Variants in KIRREL3 observed in about 807,000 individuals in gnomAD.
KIRREL3 encodes the protein kirre like nephrin family adhesion molecule 3.
In KIRREL3, 36 loss-of-function variants were observed where a neutral mutation model predicts 89.7. That is an observed-to-expected ratio of 0.40 (90% CI 0.31 to 0.53). The LOEUF (loss-of-function observed/expected upper bound fraction) is 0.53. Ranked by LOEUF, KIRREL3 falls within the 20% of genes least tolerant of loss-of-function variation. The pLI, the probability that KIRREL3 is intolerant of heterozygous loss-of-function variation, is 0.49. For missense variants in KIRREL3, 864 were observed against 1,056.6 expected, an observed-to-expected ratio of 0.82 and a Z score of 2.53; for synonymous variants, 445 against 441.4, an observed-to-expected ratio of 1.01 and a Z score of -0.10.
rs1949571316 is a variant in KIRREL3, at chr11:126,976,169, A to T, written c.55+24286T>A. Among the ~76,000 whole-genome samples, 1 of 152,028 alleles carries T rather than the reference A, an allele frequency of 6.6e-6. No individual in the cohort carries two copies. The highest frequency in any genetic ancestry group is 1.5e-5 in the Non-Finnish European group (1 of 68,018). On this transcript the variant is annotated intron_variant, in intron 1 of 16. Transcript: ENST00000525144. This position sits in a 1 kb window ranked among gnomAD's most constrained non-coding sequence, Gnocchi z 4.2. ...TGCCACATTGTTAGCTCATATTGAGATTTCAATAAGATAACACTCCTCCAA... is the reference window on the plus strand; with the variant it reads ...TGCCACATTGTTAGCTCATATTGAGTTTTCAATAAGATAACACTCCTCCAA...
chr11:126,555,439 G>T lies in KIRREL3; in HGVS notation c.133+7396C>A, dbSNP rs1939629021. On this transcript the variant is annotated intron_variant, in intron 2 of 16. Transcript: ENST00000525144. The surrounding 1 kb of genome is among the most constrained non-coding windows in gnomAD (Gnocchi z 4.2). ...TGGTTCTACGGGAGCATGTGACACAGGAACTGGATCTTGACTGAGGAGGGA... is the reference window on the plus strand; with the variant it reads ...TGGTTCTACGGGAGCATGTGACACATGAACTGGATCTTGACTGAGGAGGGA... Among the ~76,000 whole-genome samples, 1 of 152,198 alleles carries T rather than the reference G, an allele frequency of 6.6e-6. No individual in the cohort carries two copies. The highest frequency in any genetic ancestry group is 2.1e-4 in the South Asian group (1 of 4,836).
intron 1 of KIRREL3, among the ~76,000 whole-genome samples, chr11:126,930,452 T>C (rs1947902887): frequency 6.6e-6 from 1 of 152,334 alleles, no homozygotes; most frequent in East Asian, 1.9e-4. Flanking sequence ...CCCCATCATC[T>C]CACTGCCCTA....
rs1372970024 is a variant in KIRREL3 at position 126,522,394 on chromosome 11, C to A, written c.284-930G>T. Among the ~76,000 whole-genome samples, 1 of 152,192 alleles carries A rather than the reference C, an allele frequency of 6.6e-6. No individual in the cohort carries two copies. On this transcript the variant is annotated intron_variant, in intron 3 of 16. Coordinates refer to ENST00000525144, the MANE Select transcript of KIRREL3 (RefSeq NM_032531.4). This position sits in a 1 kb window ranked among gnomAD's most constrained non-coding sequence, Gnocchi z 6.0. ...GAAGTAGAAATCTAGGCCCGCCCTT[C>A]CAGTGTCTAGGAACCTTGGGTCACT...
intron 1 of KIRREL3, among the ~76,000 whole-genome samples, chr11:126,713,389 G>A (rs572615081): frequency 6.6e-6 from 1 of 152,340 alleles, no homozygotes; most frequent in South Asian, 2.1e-4. Context: ...TAGGGGCAGG[G>A]CCCCAGATGT....
rs1054611564 is a variant in KIRREL3 at position 126,563,505 on chromosome 11, G to A, written c.56-593C>T. ...TACCTTTTGGAGAGGGTGCGTTTCT[G>A]GTGCTAGAGATTCCTGTGCCTTCCT... On this transcript the variant is annotated intron_variant, in intron 1 of 16. Coordinates refer to ENST00000525144, the MANE Select transcript of KIRREL3 (RefSeq NM_032531.4). This position sits in a 1 kb window ranked among gnomAD's most constrained non-coding sequence, Gnocchi z 6.8. Among the ~76,000 whole-genome samples the A allele has an allele frequency of 6.6e-6, 1 of 152,086 alleles. No individual in the cohort carries two copies. Among genetic ancestry groups the A allele is most frequent in the Non-Finnish European group, 1.5e-5 (1 of 68,016 alleles).
rs1565600262 is a variant in KIRREL3, at chr11:126,623,627, CG to C, written c.56-60716del. ...AACAGCTGATGGGCCAGCAAGGATG[CG>C]GGGAGGATACCTGTGGTCAGGACCA... On this transcript the variant is annotated intron_variant, in intron 1 of 16. Coordinates refer to ENST00000525144, the MANE Select transcript of KIRREL3 (RefSeq NM_032531.4). This position sits in a 1 kb window ranked among gnomAD's most constrained non-coding sequence, Gnocchi z 4.1. Among the ~76,000 whole-genome samples, 2 of 151,924 alleles carry C rather than the reference CG, an allele frequency of 1.3e-5. No homozygotes were observed. Among genetic ancestry groups the C allele is most frequent in the African/African-American group, 2.4e-5 (1 of 41,346 alleles).
intron 1 of KIRREL3, among the ~76,000 whole-genome samples, chr11:126,799,395 TGTGCATCTATCTGTGTGTGCGTCTCTG>T (rs2134387174): frequency 1.5e-5 from 1 of 64,530 alleles, no homozygotes; most frequent in Non-Finnish European, 2.7e-5. Context: ...TGTATCTGTG[TGTGCATCTATCTGTGTGTGCGTCTCTG>T]TGTGCATGTG....
Position 126,578,109 on chromosome 11 carries a change from T to G in KIRREL3, c.56-15197A>C, listed in dbSNP as rs561984021. On this transcript the variant is annotated intron_variant, in intron 1 of 16. Coordinates refer to ENST00000525144, the MANE Select transcript of KIRREL3 (RefSeq NM_032531.4). This position sits in a 1 kb window ranked among gnomAD's most constrained non-coding sequence, Gnocchi z 4.9. Reference sequence around the variant, plus strand: ...CTACAGCCTTGCAACTTTGCCTCATTAGTCCCAAATTTGCACTGTGAGGCA... The same window carrying G: ...CTACAGCCTTGCAACTTTGCCTCATGAGTCCCAAATTTGCACTGTGAGGCA... Among the ~76,000 whole-genome samples the G allele has an allele frequency of 1.1e-4, 17 of 152,358 alleles. No homozygotes were observed. The highest frequency in any genetic ancestry group is 4.1e-4 in the African/African-American group (17 of 41,600).
At chr11:126,895,758 C>A (rs1364638980) in intron 1 of KIRREL3, among the ~76,000 whole-genome samples, 1 of 152,156 alleles carries the variant, frequency 6.6e-6, no homozygotes, top group African/African-American at 2.4e-5. Flanking sequence ...TGGAGCTTCA[C>A]AGGGTCACCT....
chr11:126,489,535 A>G lies in KIRREL3; in HGVS notation c.434-16069T>C, dbSNP rs1837619561. Among the ~76,000 whole-genome samples, 1 of 152,156 alleles carries G rather than the reference A, an allele frequency of 6.6e-6. No individual in the cohort carries two copies. The highest frequency in any genetic ancestry group is 2.1e-4 in the South Asian group (1 of 4,824). On this transcript the variant is annotated intron_variant, in intron 4 of 16. Coordinates refer to ENST00000525144, the MANE Select transcript of KIRREL3 (RefSeq NM_032531.4). The surrounding 1 kb of genome is among the most constrained non-coding windows in gnomAD (Gnocchi z 5.5). ...TACTCCATCTTGGATTCCTGGGTCA[A>G]TTTTGGGAGATGCTGAGATCTGTAG...
In KIRREL3 at chr11:126,668,426, C is replaced by A. The variant is rs992200492; in HGVS notation, c.56-105514G>T. Among the ~76,000 whole-genome samples the A allele has an allele frequency of 1.3e-5, 2 of 152,068 alleles. No individual in the cohort carries two copies. The highest frequency in any genetic ancestry group is 3.9e-4 in the East Asian group (2 of 5,190). On this transcript the variant is annotated intron_variant, in intron 1 of 16. Coordinates refer to ENST00000525144, the MANE Select transcript of KIRREL3 (RefSeq NM_032531.4). The surrounding 1 kb of genome is among the most constrained non-coding windows in gnomAD (Gnocchi z 4.4). ...AATATAACCATTCAGAATAAAACACCCTGGCTATAGAAGAGAGGTGGCTTT... is the reference window on the plus strand; with the variant it reads ...AATATAACCATTCAGAATAAAACACACTGGCTATAGAAGAGAGGTGGCTTT...
rs1364936219 is a variant in KIRREL3, at chr11:126,685,233, AG to A, written c.56-122322del. ...AGCCCCAGCTCTGCTCTGGGGAGTCAGGGGCAGGGCGGCAGATGCTTGGGGT... is the reference window on the plus strand; with the variant it reads ...AGCCCCAGCTCTGCTCTGGGGAGTCAGGGCAGGGCGGCAGATGCTTGGGGT... On this transcript the variant is annotated intron_variant, in intron 1 of 16. Coordinates refer to ENST00000525144, the MANE Select transcript of KIRREL3 (RefSeq NM_032531.4). The surrounding 1 kb of genome is among the most constrained non-coding windows in gnomAD (Gnocchi z 5.5). 6.6e-6 allele frequency among the ~76,000 whole-genome samples: 1 copy of A among 152,230 alleles called. No individual in the cohort carries two copies. Among genetic ancestry groups the A allele is most frequent in the Non-Finnish European group, 1.5e-5 (1 of 68,040 alleles).
chr11:126,848,288 CA>C (rs1020939764), intron 1 of KIRREL3, among the ~76,000 whole-genome samples: 2 of 152,210 alleles, frequency 1.3e-5, no homozygotes, highest in African/African-American at 4.8e-5. Context: ...GCACTTTATA[CA>C]AATAATCAGG....
chr11:126,601,993 G>C lies in KIRREL3; in HGVS notation c.56-39081C>G, dbSNP rs150485978. Among the ~76,000 whole-genome samples the C allele has an allele frequency of 6.6e-6, 1 of 152,200 alleles. No individual in the cohort carries two copies. The highest frequency in any genetic ancestry group is 1.5e-5 in the Non-Finnish European group (1 of 68,038). On this transcript the variant is annotated intron_variant, in intron 1 of 16. Coordinates refer to ENST00000525144, the MANE Select transcript of KIRREL3 (RefSeq NM_032531.4). The surrounding 1 kb of genome is among the most constrained non-coding windows in gnomAD (Gnocchi z 5.8). The stretch of plus-strand genomic sequence containing the variant: ...CCTGACAGAGTCACAGAAGCTGACC[G>C]CTGCGAGGCAGGGGCTGCGGCCTTT...
chr11:126,810,267 C>T (rs565257060), intron 1 of KIRREL3, among the ~76,000 whole-genome samples: 2 of 152,278 alleles, frequency 1.3e-5, no homozygotes, highest in African/African-American at 4.8e-5. Flanking sequence ...CTATTCACAC[C>T]TCTCCAGCAA....
intron 1 of KIRREL3, among the ~76,000 whole-genome samples, chr11:126,737,228 G>A (rs535528219): frequency 5.4e-4 from 82 of 152,250 alleles, no homozygotes; most frequent in African/African-American, 1.8e-3. Flanking sequence ...CAGGAAGGGA[G>A]TGGGGAGGAG....
In KIRREL3 at chr11:126,808,860, C is replaced by A. The variant is rs1951288423; in HGVS notation, c.55+191595G>T. Reference sequence around the variant, plus strand: ...TGTCAGCTGGCAGCTTATTAAATACCCAAAACAAATGTTTATATAGCATGA... The same window carrying A: ...TGTCAGCTGGCAGCTTATTAAATACACAAAACAAATGTTTATATAGCATGA... On this transcript the variant is annotated intron_variant, in intron 1 of 16. Coordinates refer to ENST00000525144, the MANE Select transcript of KIRREL3 (RefSeq NM_032531.4). The surrounding 1 kb of genome is among the most constrained non-coding windows in gnomAD (Gnocchi z 4.1). Among the ~76,000 whole-genome samples, 1 of 152,102 alleles carries A rather than the reference C, an allele frequency of 6.6e-6. No homozygotes were observed. Among genetic ancestry groups the A allele is most frequent in the Non-Finnish European group, 1.5e-5 (1 of 68,012 alleles).
At chr11:126,446,962 T>TC in intron 8 of KIRREL3, 76 bp from the exon 9 acceptor site, 3 of 1,535,754 alleles carry the variant, frequency 2.0e-6, no homozygotes, top group East Asian at 2.4e-5. Context: ...TGCCTCCTTT[T>TC]CCCCCTAGAC....
chr11:126,634,346 A>G (rs142667689), intron 1 of KIRREL3, among the ~76,000 whole-genome samples: 1 of 152,308 alleles, frequency 6.6e-6, no homozygotes, highest in East Asian at 1.9e-4. Flanking sequence ...TTGAATGTGG[A>G]AGGTGCCATT....
Sources: gnomAD v4.1 joint callset for allele counts (sites outside exome capture counted in the v4.1 genomes callset) on GRCh38, gnomAD v4.1.1 for gene constraint, Gnocchi (gnomAD v3.1) non-coding constraint, MANE v1.5 for transcripts, NCBI Gene and HGNC (gene_info 2026-07-23, HGNC 2026-07-21) for gene names.